The following UBR4 variants were observed in gnomAD, a reference collection of about 807,000 sequenced individuals.
UBR4 encodes the protein ubiquitin protein ligase E3 component n-recognin 4.
In UBR4, 124 loss-of-function variants were observed where a neutral mutation model predicts 575.6. The observed-to-expected ratio is 0.22, with a 90% confidence interval of 0.19 to 0.25. The LOEUF (loss-of-function observed/expected upper bound fraction) is 0.25. Among genes scored for constraint, UBR4 ranks in the 10% least tolerant of loss-of-function variants. UBR4 has a pLI of 1.00. For synonymous variants in UBR4, 2,455 were observed against 2,473.7 expected (o/e 0.99, Z 0.22); for missense variants, 4,818 against 6,478.8 (o/e 0.74, Z 8.80).
At position 19,152,296 on chromosome 1, in the gene UBR4, C is replaced by A; in HGVS notation, c.6996+17G>T. On this transcript the variant is annotated intron_variant, in intron 47 of 105. Transcript: ENST00000375254. The surrounding 1 kb of genome is among the most constrained non-coding windows in gnomAD (Gnocchi z 4.4). ...CCTTCTACCCAGGGATTGATCCCAGCCCAGTGCCATTCTTACCTTGGTGTT... is the reference window on the plus strand; with the variant it reads ...CCTTCTACCCAGGGATTGATCCCAGACCAGTGCCATTCTTACCTTGGTGTT... The A allele has an allele frequency of 1.2e-6, 2 of 1,613,512 alleles. No individual in the cohort carries two copies. Among genetic ancestry groups the A allele is most frequent in the Non-Finnish European group, 1.7e-6 (2 of 1,179,518 alleles).
At position 19,152,497 on chromosome 1, in the gene UBR4, T is replaced by C. The variant is rs1245675185; in HGVS notation, c.6833-21A>G. On this transcript the variant is annotated intron_variant, in intron 46 of 105. Transcript: ENST00000375254. The surrounding 1 kb of genome is among the most constrained non-coding windows in gnomAD (Gnocchi z 4.4). ...GGTTGCTGCAGAGAACGGTACCAGA[T>C]CGTCAAGAGTCTCTCCCACCTCTGC... 1 of 1,612,872 alleles carries C rather than the reference T, an allele frequency of 6.2e-7. No homozygotes were observed. The highest frequency in any genetic ancestry group is 8.5e-7 in the Non-Finnish European group (1 of 1,179,630).
At chr1:19,209,630 T>C (rs867267892) in intron 1 of UBR4, among the ~76,000 whole-genome samples, 5 of 152,134 alleles carry the variant, frequency 3.3e-5, no homozygotes, top group East Asian at 3.8e-4. Context: ...GTCACAGAAA[T>C]AGCACGTGCC....
Position 19,106,977 on chromosome 1 carries a change from C to T in UBR4, c.12106-11G>A. ...CTCAACGGGGACATCCTGGAGGAGG[C>T]AAGTGGAGCAAGGTGAGGGCGCTCA... On this transcript the variant is annotated splice_polypyrimidine_tract_variant and intron_variant, in intron 81 of 105. Coordinates refer to ENST00000375254, the MANE Select transcript of UBR4 (RefSeq NM_020765.3). 6.2e-7 allele frequency: 1 copy of T among 1,611,236 alleles called. No homozygotes were observed. The highest frequency in any genetic ancestry group is 8.5e-7 in the Non-Finnish European group (1 of 1,179,586).
rs12074954 is a variant in UBR4, at chr1:19,093,212, C to A, written c.14111+101G>T. ...AGCGGTTGGGAGGCCCCAAGGAGGG[C>A]AAGGGGCACACGTGAAGCTTTATGC... is the stretch of plus-strand genomic sequence containing the variant. On this transcript the variant is annotated intron_variant, in intron 96 of 105. Coordinates refer to ENST00000375254, the MANE Select transcript of UBR4 (RefSeq NM_020765.3). The surrounding 1 kb of genome is among the most constrained non-coding windows in gnomAD (Gnocchi z 4.8). The A allele has an allele frequency of 1.7e-3, 2,515 of 1,459,114 alleles. 38 individuals carry two copies. The African/African-American group carries it at 0.031, about 18-fold the overall frequency. 90.4% of individuals were successfully genotyped at this position (1,459,114 alleles called of 1,614,324 possible).
intron 1 of UBR4, among the ~76,000 whole-genome samples, chr1:19,205,142 T>C (rs1227672467): frequency 2.6e-5 from 4 of 152,176 alleles, no homozygotes; most frequent in Admixed American, 6.5e-5. Flanking sequence ...ACACTGTGGA[T>C]AGACAGAGAA....
chr1:19,104,402 CA>C, intron 86 of UBR4, 145 bp from the exon 87 acceptor site: 1 of 1,208,724 alleles, frequency 8.3e-7, no homozygotes, highest in Non-Finnish European at 1.1e-6. Flanking sequence ...CAAGCGGAAA[CA>C]GTCAATAGCA....
At chr1:19,151,942 C>A in intron 47 of UBR4, 83 bp from the exon 48 acceptor site, 1 of 1,250,588 alleles carries the variant, frequency 8.0e-7, no homozygotes, top group South Asian at 1.6e-5. Context: ...GACATTGTCT[C>A]AACATGTGAA....
rs1384488559 is a variant in UBR4, at chr1:19,092,641, AT to A, written c.14211+177del. On this transcript the variant is annotated intron_variant, in intron 97 of 105. Coordinates refer to ENST00000375254, the MANE Select transcript of UBR4 (RefSeq NM_020765.3). Reference sequence around the variant, plus strand: ...GAAGCCCCACTTAAGAATGAGTTGAATGAGGAAATCACAAATACAACTTACT... The same window carrying A: ...GAAGCCCCACTTAAGAATGAGTTGAAGAGGAAATCACAAATACAACTTACT... 7 of 524,854 alleles carry A rather than the reference AT, an allele frequency of 1.3e-5. No individual in the cohort carries two copies. In the East Asian group the frequency reaches 2.2e-4, roughly 16 times the overall value. The allele number at this position is 524,854 out of a possible 1,614,324, so 32.5% of individuals were successfully genotyped here.
rs1252225687 is a variant in UBR4, at chr1:19,120,272, T to G, written c.10218A>C (p.Glu3406Asp). ...VNQLNKFADKETLIQFLRCFL... is the reference protein window; with the variant it reads ...VNQLNKFADKDTLIQFLRCFL... ...AACAACGCAGGAACTGGATCAGGGT[T>G]TCCTTATCGGCAAATTTGTTCAGCT... Residue 3406 changes from glutamate (E) to aspartate (D), a missense_variant, in exon 69 of 106, where the codon GAA (glutamate) becomes GAC (aspartate). Coordinates refer to ENST00000375254, the MANE Select transcript of UBR4 (RefSeq NM_020765.3). 6 of 1,614,116 alleles carry G rather than the reference T, an allele frequency of 3.7e-6. No individual in the cohort carries two copies. Among genetic ancestry groups the G allele is most frequent in the Non-Finnish European group, 5.1e-6 (6 of 1,180,018 alleles).
intron 90 of UBR4, among the ~76,000 whole-genome samples, chr1:19,098,588 A>C (rs1358778223): frequency 1.3e-5 from 2 of 152,186 alleles, no homozygotes; most frequent in African/African-American, 4.8e-5. Flanking sequence ...AATGTCTGTA[A>C]CAAGAGGTAC....
In UBR4 at chr1:19,144,051, C is replaced by T. The variant is rs1247120488; in HGVS notation, c.8108G>A (p.Arg2703Gln). The T allele has an allele frequency of 2.6e-5, 42 of 1,613,858 alleles. No homozygotes were observed. The highest frequency in any genetic ancestry group is 3.2e-5 in the Non-Finnish European group (38 of 1,179,932). ...CCGTTTGTTCCTGGGCCTTAGGACT[C>T]GAATTAGAGCTTGTTTACAAGAGAA... ...VSFSCKQALI[R>Q]VLRPRNKRRH... The change falls in exon 55 of 106, where the codon CGA (arginine) becomes CAA (glutamine). Residue 2703 changes from arginine to glutamine, a missense_variant. Coordinates refer to ENST00000375254, the MANE Select transcript of UBR4 (RefSeq NM_020765.3).
chr1:19,140,528 C>A (rs1570998409), intron 58 of UBR4, among the ~76,000 whole-genome samples: 1 of 152,374 alleles, frequency 6.6e-6, no homozygotes, highest in East Asian at 1.9e-4. Flanking sequence ...AGCTGATCAG[C>A]CTGCATGCCG....
At chr1:19,199,576 G>T in intron 3 of UBR4, 75 bp downstream of exon 3, 1 of 1,376,990 alleles carries the variant, frequency 7.3e-7, no homozygotes, top group South Asian at 1.2e-5. Flanking sequence ...AAAGTTCACT[G>T]ACCTCTACTC....
chr1:19,200,364 G>A (rs866537845), intron 2 of UBR4, among the ~76,000 whole-genome samples: 3 of 152,006 alleles, frequency 2.0e-5, no homozygotes, highest in Admixed American at 6.5e-5. Context: ...TGGTCCTCAG[G>A]CTGTGGGTTG....
Position 19,152,453 on chromosome 1 carries a change from T to C in UBR4, c.6856A>G (p.Thr2286Ala). The C allele has an allele frequency of 1.2e-6, 2 of 1,613,874 alleles. No homozygotes were observed. Among genetic ancestry groups the C allele is most frequent in the Non-Finnish European group, 1.7e-6 (2 of 1,179,826 alleles). ...TGTTCAAAAAAGTCAATGGGGAAAGTCACCTGGCTAGACGTGCGGGTTGCT... is the reference window on the plus strand; with the variant it reads ...TGTTCAAAAAAGTCAATGGGGAAAGCCACCTGGCTAGACGTGCGGGTTGCT... ...TITTRTSSQV[T>A]FPIDFFEHNQ... is the part of the protein sequence containing the mutation. Residue 2286 changes from threonine to alanine, a missense_variant, in exon 47 of 106, where the codon ACT (threonine) becomes GCT (alanine). By Grantham distance (58) the Thr-to-Ala change is moderately conservative. Coordinates refer to ENST00000375254, the MANE Select transcript of UBR4 (RefSeq NM_020765.3). This position sits in a 1 kb window ranked among gnomAD's most constrained non-coding sequence, Gnocchi z 4.4.
At chr1:19,107,288 C>G (rs1441026573) in intron 81 of UBR4, among the ~76,000 whole-genome samples, 1 of 151,974 alleles carries the variant, frequency 6.6e-6, no homozygotes, top group East Asian at 1.9e-4. Flanking sequence ...AAAAACCTTC[C>G]TAGGGTCACA....
chr1:19,178,857 G>A (rs1323944614), intron 18 of UBR4, among the ~76,000 whole-genome samples, 194 bp downstream of exon 18: 5 of 152,188 alleles, frequency 3.3e-5, no homozygotes, highest in Non-Finnish European at 7.3e-5. Context: ...GCTACAGGGA[G>A]ATTTATTTCC....
chr1:19,143,852 A>T (rs2084451724), intron 55 of UBR4, 128 bp downstream of exon 55: 1 of 730,738 alleles, frequency 1.4e-6, no homozygotes, highest in Non-Finnish European at 2.2e-6. Flanking sequence ...GTAGGATTAG[A>T]AAAAAGACAG....
chr1:19,170,915 T>C (rs754116537), intron 25 of UBR4, 32 bp from the exon 26 acceptor site: 1 of 1,613,852 alleles, frequency 6.2e-7, no homozygotes, highest in Non-Finnish European at 8.5e-7. Context: ...AGTGAAGCCA[T>C]AAGATTCTAA....
Sources: allele counts gnomAD v4.1 joint callset (sites outside exome capture counted in the v4.1 genomes callset), GRCh38; gene constraint gnomAD v4.1.1; non-coding constraint Gnocchi (gnomAD v3.1); transcripts MANE v1.5; gene names NCBI Gene and HGNC (gene_info 2026-07-23, HGNC 2026-07-21).